ENAH: variants seen among roughly 807,000 people sequenced by gnomAD.
ENAH encodes the protein ENAH actin regulator.
In ENAH, 23 loss-of-function variants were observed where a neutral mutation model predicts 78.7. That is an observed-to-expected ratio of 0.29 (90% CI 0.21 to 0.41). The LOEUF (loss-of-function observed/expected upper bound fraction) is 0.41. Ranked by LOEUF, ENAH falls within the 10% of genes least tolerant of loss-of-function variation. ENAH has a pLI of 1.00. For missense variants in ENAH, 544 were observed against 691.0 expected, an observed-to-expected ratio of 0.79 and a Z score of 2.39; for synonymous variants, 226 against 241.0, an observed-to-expected ratio of 0.94 and a Z score of 0.58.
At chr1:225,618,391 C>T (rs868223160) in intron 1 of ENAH, among the ~76,000 whole-genome samples, 1 of 152,166 alleles carries the variant, frequency 6.6e-6, no homozygotes. Flanking sequence ...GAATGGTCAT[C>T]CAGATACAAA....
chr1:225,640,171 G>A (rs1660780699), intron 1 of ENAH, among the ~76,000 whole-genome samples: 1 of 152,152 alleles, frequency 6.6e-6, no homozygotes, highest in Non-Finnish European at 1.5e-5. Flanking sequence ...TCATAACATG[G>A]ATAGTTTCAT....
chr1:225,594,054 C>T (rs918531396), intron 1 of ENAH, among the ~76,000 whole-genome samples: 3 of 152,102 alleles, frequency 2.0e-5, no homozygotes, highest in African/African-American at 4.8e-5. Flanking sequence ...GAAGGTGAAA[C>T]GAGTGTGCCT....
chr1:225,649,814 C>T (rs1245246307), intron 1 of ENAH, among the ~76,000 whole-genome samples: 1 of 152,174 alleles, frequency 6.6e-6, no homozygotes, highest in Non-Finnish European at 1.5e-5. Context: ...AGTCATCTGA[C>T]AGATACCACT....
chr1:225,591,041 T>C (rs1473286768), intron 1 of ENAH, among the ~76,000 whole-genome samples: 3 of 152,236 alleles, frequency 2.0e-5, no homozygotes, highest in Non-Finnish European at 1.5e-5. Context: ...AGCTTATTAA[T>C]GCTATAACAC....
intron 1 of ENAH, among the ~76,000 whole-genome samples, chr1:225,638,640 G>A (rs1660485241): frequency 6.6e-6 from 1 of 152,204 alleles, no homozygotes; most frequent in African/African-American, 2.4e-5. Flanking sequence ...ATAATGAGGA[G>A]GAGCTTAGTG....
At position 225,546,311 on chromosome 1, in the gene ENAH, A is replaced by T. The variant is rs2096613632; in HGVS notation, c.349+8595T>A. Among the ~76,000 whole-genome samples the T allele has an allele frequency of 1.3e-5, 2 of 152,196 alleles. 1 individual carries two copies. Among genetic ancestry groups the T allele is most frequent in the South Asian group, 4.1e-4 (2 of 4,828 alleles). ...ATTTTCTTTTTAGTGACTATGAATT[A>T]TTAGATATAATTTCAAGCATTAATC... is the stretch of plus-strand genomic sequence containing the variant. On this transcript the variant is annotated intron_variant, in intron 3 of 13. Transcript: ENST00000366843.
chr1:225,571,227 G>A (rs1340514862), intron 1 of ENAH, among the ~76,000 whole-genome samples: 1 of 151,760 alleles, frequency 6.6e-6, no homozygotes, highest in Non-Finnish European at 1.5e-5. Context: ...ACAAAAATTA[G>A]CCAGGCATGG....
At position 225,488,476 on chromosome 1, in the gene ENAH, G is replaced by A. The variant is rs1340178942; in HGVS notation, c.*9299C>T. The A allele has an allele frequency of 6.6e-6, 1 of 151,894 alleles. No homozygotes were observed. Among genetic ancestry groups the A allele is most frequent in the African/African-American group, 2.4e-5 (1 of 41,332 alleles). 9.4% of individuals were successfully genotyped at this position (151,894 alleles called of 1,614,324 possible). On this transcript the variant is annotated 3_prime_UTR_variant, in exon 14 of 14. Coordinates refer to ENST00000366843, the MANE Select transcript of ENAH (RefSeq NM_018212.6). ...CCAGCTACATAATAGGGACTTTCAG[G>A]ATGCTCCTATAAATACAGACTCCAG...
chr1:225,615,038 G>GTCTCCC (rs72200596), intron 1 of ENAH, among the ~76,000 whole-genome samples: 68 of 149,980 alleles, frequency 4.5e-4, no homozygotes, highest in South Asian at 2.1e-3. Flanking sequence ...CCTCTCCCCG[G>GTCTCCC]TCTCCCTCTC....
At chr1:225,645,549 T>C (rs566175643) in intron 1 of ENAH, among the ~76,000 whole-genome samples, 3 of 152,314 alleles carry the variant, frequency 2.0e-5, no homozygotes, top group South Asian at 2.1e-4. Context: ...AGGAAAGGAA[T>C]TGCTGGGTCA....
chr1:225,627,206 A>G (rs1658109330), intron 1 of ENAH, among the ~76,000 whole-genome samples: 1 of 152,222 alleles, frequency 6.6e-6, no homozygotes, highest in South Asian at 2.1e-4. Flanking sequence ...TTACTGAAAC[A>G]CCTAAGTATA....
chr1:225,557,351 A>G (rs1419294945), intron 2 of ENAH, among the ~76,000 whole-genome samples: 2 of 152,314 alleles, frequency 1.3e-5, no homozygotes, highest in Non-Finnish European at 2.9e-5. Context: ...CTCTAAATAC[A>G]CAATCATGTG....
At chr1:225,532,998 G>C (rs1480110076) in intron 3 of ENAH, among the ~76,000 whole-genome samples, 2 of 143,730 alleles carry the variant, frequency 1.4e-5, no homozygotes, top group East Asian at 3.9e-4. Context: ...TTTAAATTGG[G>C]TGTGTGTGTG....
chr1:225,513,005 G>A lies in ENAH; in HGVS notation c.1230C>T (p.Thr410=), dbSNP rs765834843. 1.2e-6 allele frequency: 2 copies of A among 1,611,910 alleles called. No homozygotes were observed. The highest frequency in any genetic ancestry group is 1.7e-6 in the Non-Finnish European group (2 of 1,179,240). Residue 410 remains threonine, a synonymous_variant, in exon 8 of 14, where the codon ACC becomes ACT. Coordinates refer to ENST00000366843, the MANE Select transcript of ENAH (RefSeq NM_018212.6). ...KLRKVSRMED[T]SFPSGGNAIG... is the part of the protein sequence containing the mutation. ...TAGCATTCCCTCCACTTGGGAAAGAGGTATCCTCCATCTTAATGAGAATAT... is the reference window on the plus strand; with the variant it reads ...TAGCATTCCCTCCACTTGGGAAAGAAGTATCCTCCATCTTAATGAGAATAT...
chr1:225,511,830 G>A lies in ENAH; in HGVS notation c.1452C>T (p.Ala484=). The change falls in exon 10 of 14, where the codon GCC becomes GCT. Residue 484 remains alanine (A), a synonymous_variant. Transcript: ENST00000366843. ...ACTTACCAGGTGTACTTGTTGAAGAGGCCTTAGAAGTTACAGGCTCTGAAT... is the reference window on the plus strand; with the variant it reads ...ACTTACCAGGTGTACTTGTTGAAGAAGCCTTAGAAGTTACAGGCTCTGAAT... ...GEDSEPVTSK[A]SSTSTPEPTR... 5 of 1,604,764 alleles carry A rather than the reference G, an allele frequency of 3.1e-6. No individual in the cohort carries two copies. Among genetic ancestry groups the A allele is most frequent in the Non-Finnish European group, 4.3e-6 (5 of 1,173,202 alleles).
At chr1:225,542,189 A>C (rs2096592794) in intron 3 of ENAH, among the ~76,000 whole-genome samples, 1 of 152,184 alleles carries the variant, frequency 6.6e-6, no homozygotes, top group Non-Finnish European at 1.5e-5. Flanking sequence ...GCCTAGCTCT[A>C]GTTTCTAACA....
intron 7 of ENAH, among the ~76,000 whole-genome samples, chr1:225,514,035 C>T (rs554811373): frequency 6.6e-6 from 1 of 151,620 alleles, no homozygotes; most frequent in East Asian, 1.9e-4. Flanking sequence ...GGAAACATAT[C>T]CAAAGAAGGA....
chr1:225,557,584 G>C (rs577263157), intron 2 of ENAH, among the ~76,000 whole-genome samples: 1 of 152,328 alleles, frequency 6.6e-6, no homozygotes, highest in Admixed American at 6.5e-5. Flanking sequence ...ACTTTGGGAG[G>C]CCAAGGCAGG....
intron 3 of ENAH, among the ~76,000 whole-genome samples, chr1:225,542,933 C>A (rs2096596626): frequency 6.6e-6 from 1 of 151,782 alleles, no homozygotes; most frequent in Non-Finnish European, 1.5e-5. Context: ...GCAGGAGGAT[C>A]CTTTGAGTGC....
Sources: allele counts gnomAD v4.1 joint callset (sites outside exome capture counted in the v4.1 genomes callset), GRCh38; gene constraint gnomAD v4.1.1; transcripts MANE v1.5; gene names NCBI Gene and HGNC (gene_info 2026-07-23, HGNC 2026-07-21).